Variants in SEMA3A observed in about 807,000 individuals in gnomAD.
SEMA3A encodes semaphorin 3A, also known as semaphorin-3A.
In SEMA3A, 29 loss-of-function variants were observed where a neutral mutation model predicts 97.9. The observed-to-expected ratio is 0.30, with a 90% CI of 0.22 to 0.40. The LOEUF is 0.40. Among genes scored for constraint, SEMA3A ranks in the 10% least tolerant of loss-of-function variants. The pLI, the probability that SEMA3A is intolerant of heterozygous loss-of-function variation, is 1.00. For missense variants in SEMA3A, 763 were observed against 951.3 expected (o/e 0.80, Z 2.60); for synonymous variants, 321 against 323.7 (o/e 0.99, Z 0.09).
intron 2 of SEMA3A, among the ~76,000 whole-genome samples, chr7:84,358,573 T>C (rs1330302753): frequency 2.0e-5 from 3 of 152,170 alleles, no homozygotes; most frequent in African/African-American, 7.2e-5. Flanking sequence ...GGTAGCATGA[T>C]GCCTCCAGCT....
At chr7:84,174,878 T>C (rs1013954400) in intron 1 of SEMA3A, among the ~76,000 whole-genome samples, 1 of 152,212 alleles carries the variant, frequency 6.6e-6, no homozygotes, top group Non-Finnish European at 1.5e-5. Flanking sequence ...TCTTGTTAAA[T>C]TCTTGGAAAC....
chr7:84,071,613 A>C (rs1438191398), intron 4 of SEMA3A, among the ~76,000 whole-genome samples: 3 of 152,134 alleles, frequency 2.0e-5, no homozygotes, highest in African/African-American at 7.2e-5. Context: ...GATGCACAGT[A>C]CATTAAATGT....
chr7:84,029,388 T>C (rs142208894), intron 6 of SEMA3A, among the ~76,000 whole-genome samples: 1,571 of 152,316 alleles, frequency 0.01, 12 homozygotes, highest in Middle Eastern at 0.024. Flanking sequence ...ATTTACAAGT[T>C]CACTACAAAT....
chr7:84,151,461 G>A lies in SEMA3A; in HGVS notation c.113-16510C>T, dbSNP rs573240344. Among the ~76,000 whole-genome samples the A allele has an allele frequency of 6.6e-5, 10 of 151,938 alleles. No homozygotes were observed. In the East Asian group the frequency reaches 1.5e-3, roughly 24 times the overall value. On this transcript the variant is annotated intron_variant, in intron 1 of 16. Coordinates refer to ENST00000265362, the MANE Select transcript of SEMA3A (RefSeq NM_006080.3). The stretch of plus-strand genomic sequence containing the variant: ...GAAGAATGCAGAAGCCTCAGGAGCC[G>A]ATGCGATCAACTGGAAGAAAGGGTA...
chr7:84,129,029 C>T (rs1795880659), intron 3 of SEMA3A, 94 bp downstream of exon 3: 12 of 958,260 alleles, frequency 1.3e-5, no homozygotes, highest in Non-Finnish European at 1.8e-5. Flanking sequence ...TCCCCACACA[C>T]ACAAAAAAAT....
chr7:84,036,836 T>C (rs1251264247), intron 6 of SEMA3A, among the ~76,000 whole-genome samples: 1 of 152,078 alleles, frequency 6.6e-6, no homozygotes, highest in Non-Finnish European at 1.5e-5. Context: ...GGAATTAATA[T>C]ATGTTCCAGT....
chr7:84,307,753 A>G (rs1190455169), intron 2 of SEMA3A, among the ~76,000 whole-genome samples: 1 of 152,192 alleles, frequency 6.6e-6, no homozygotes, highest in Non-Finnish European at 1.5e-5. Context: ...TTTCACTTTA[A>G]CAAAAGCTTT....
chr7:84,475,256 C>G (rs1228972), intron 1 of SEMA3A, among the ~76,000 whole-genome samples: 1 of 151,716 alleles, frequency 6.6e-6, no homozygotes, highest in Non-Finnish European at 1.5e-5. Context: ...CTGTTTTTGT[C>G]GTTGGTTTGT....
At chr7:84,105,260 C>A (rs1329349585) in intron 4 of SEMA3A, among the ~76,000 whole-genome samples, 1 of 152,108 alleles carries the variant, frequency 6.6e-6, no homozygotes, top group Non-Finnish European at 1.5e-5. Flanking sequence ...AGAAGTAACT[C>A]AACTAGAATG....
intron 3 of SEMA3A, among the ~76,000 whole-genome samples, chr7:84,228,768 G>T (rs1799049273): frequency 6.6e-6 from 1 of 152,030 alleles, no homozygotes; most frequent in South Asian, 2.1e-4. Flanking sequence ...GATTTCATGG[G>T]CTGACTGCAA....
intron 3 of SEMA3A, among the ~76,000 whole-genome samples, chr7:84,125,009 T>G (rs1196333791): frequency 6.6e-6 from 1 of 152,024 alleles, no homozygotes; most frequent in Non-Finnish European, 1.5e-5. Context: ...CATTTTAACA[T>G]TGAGTAGAGC....
At chr7:83,980,180 A>C (rs1789333042) in intron 14 of SEMA3A, among the ~76,000 whole-genome samples, 1 of 152,162 alleles carries the variant, frequency 6.6e-6, no homozygotes, top group Admixed American at 6.6e-5. Context: ...TCCTTCAGTG[A>C]GTAGTAAAGG....
chr7:84,451,022 A>T (rs1204596878), intron 1 of SEMA3A, among the ~76,000 whole-genome samples: 1 of 152,076 alleles, frequency 6.6e-6, no homozygotes, highest in Non-Finnish European at 1.5e-5. Context: ...ATGTAATTCC[A>T]AGTTTGTGTT....
At chr7:84,347,762 T>C (rs1802337320) in intron 2 of SEMA3A, among the ~76,000 whole-genome samples, 1 of 152,140 alleles carries the variant, frequency 6.6e-6, no homozygotes, top group South Asian at 2.1e-4. Context: ...ATATATTCTC[T>C]ATGATCCCTT....
At position 84,303,646 on chromosome 7, in the gene SEMA3A, G is replaced by A. The variant is rs114463458; in HGVS notation, c.-83+3561C>T. 6.6e-3 allele frequency among the ~76,000 whole-genome samples: 1,008 copies of A among 152,170 alleles called. 11 individuals are homozygous for A. The highest frequency in any genetic ancestry group is 0.023 in the African/African-American group (947 of 41,512). Reference sequence around the variant, plus strand: ...TTTTCAACTTCACAATGATGCAGAAGTGATAGACATTCAACAGAAACTGTA... The same window carrying A: ...TTTTCAACTTCACAATGATGCAGAAATGATAGACATTCAACAGAAACTGTA... On this transcript the variant is annotated intron_variant, in intron 3 of 3. Coordinates refer to the SEMA3A transcript ENST00000424555.
chr7:84,409,452 T>A (rs953630776), intron 1 of SEMA3A, among the ~76,000 whole-genome samples: 2 of 152,096 alleles, frequency 1.3e-5, no homozygotes, highest in African/African-American at 4.8e-5. Context: ...ATCTTTCACA[T>A]TAGCCCTTTT....
chr7:84,217,284 A>T (rs899717731), intron 3 of SEMA3A, among the ~76,000 whole-genome samples: 1 of 152,224 alleles, frequency 6.6e-6, no homozygotes, highest in Admixed American at 6.5e-5. Flanking sequence ...AAAAAAGTAA[A>T]AATATCAAAA....
At chr7:84,463,290 A>C (rs868442617) in intron 1 of SEMA3A, among the ~76,000 whole-genome samples, 28 of 124,596 alleles carry the variant, frequency 2.2e-4, no homozygotes, top group South Asian at 4.8e-4. Context: ...GCTCTGTCAC[A>C]CAGGCTGGAG....
At chr7:84,067,090 G>A (rs1051464990) in intron 4 of SEMA3A, among the ~76,000 whole-genome samples, 6 of 152,082 alleles carry the variant, frequency 3.9e-5, no homozygotes, top group African/African-American at 1.2e-4. Flanking sequence ...ATCAACGGAA[G>A]AGAACAGAGC....
Sources: gnomAD v4.1 joint callset for allele counts (sites outside exome capture counted in the v4.1 genomes callset) on GRCh38, gnomAD v4.1.1 for gene constraint, MANE v1.5 for transcripts, NCBI Gene and HGNC (gene_info 2026-07-23, HGNC 2026-07-21) for gene names.